GRIN3A: variants seen among roughly 807,000 people sequenced by gnomAD.
GRIN3A encodes the protein glutamate ionotropic receptor NMDA type subunit 3A.
In GRIN3A, 47 loss-of-function variants were observed where a neutral mutation model predicts 92.4. The observed-to-expected ratio is 0.51, with a 90% confidence interval of 0.40 to 0.65. The LOEUF (loss-of-function observed/expected upper bound fraction) is 0.65, where lower values mean the gene tolerates loss of function less well. GRIN3A is among the 30% of genes least tolerant of loss of function. GRIN3A has a pLI of 0.00. For missense variants in GRIN3A, 1,324 were observed against 1,393.1 expected, an observed-to-expected ratio of 0.95 and a Z score of 0.79; for synonymous variants, 527 against 540.6, an observed-to-expected ratio of 0.97 and a Z score of 0.35.
At chr9:101,586,893 C>A (rs777926577) in intron 6 of GRIN3A, among the ~76,000 whole-genome samples, 2 of 152,158 alleles carry the variant, frequency 1.3e-5, no homozygotes, top group Non-Finnish European at 2.9e-5. Flanking sequence ...AAGACATAGT[C>A]CCCTAGTTCC....
At chr9:101,735,194 T>C (rs1830185579) in intron 1 of GRIN3A, among the ~76,000 whole-genome samples, 1 of 151,866 alleles carries the variant, frequency 6.6e-6, no homozygotes, top group Non-Finnish European at 1.5e-5. Flanking sequence ...GAATTTAAAG[T>C]AAAAAGGGAG....
intron 1 of GRIN3A, among the ~76,000 whole-genome samples, chr9:101,699,612 T>G (rs988259399): frequency 6.6e-6 from 1 of 152,112 alleles, no homozygotes; most frequent in Admixed American, 6.5e-5. Context: ...GATGATTTAT[T>G]TTATATCTTT....
chr9:101,578,098 G>T (rs1827848848), intron 7 of GRIN3A, among the ~76,000 whole-genome samples: 1 of 152,170 alleles, frequency 6.6e-6, no homozygotes, highest in African/African-American at 2.4e-5. Flanking sequence ...TTATAAAACG[G>T]TATGTGATAT....
chr9:101,638,941 T>C (rs1828818214), intron 3 of GRIN3A, among the ~76,000 whole-genome samples: 1 of 152,212 alleles, frequency 6.6e-6, no homozygotes, highest in South Asian at 2.1e-4. Context: ...CCCATAACAA[T>C]CTGTTAATAC....
chr9:101,692,369 T>A (rs1452272864), intron 1 of GRIN3A, among the ~76,000 whole-genome samples: 1 of 152,186 alleles, frequency 6.6e-6, no homozygotes, highest in African/African-American at 2.4e-5. Context: ...AGATCCCTCA[T>A]CAGTCTTTGT....
At chr9:101,655,537 T>G (rs1829076434) in intron 3 of GRIN3A, among the ~76,000 whole-genome samples, 1 of 151,922 alleles carries the variant, frequency 6.6e-6, no homozygotes, top group African/African-American at 2.4e-5. Flanking sequence ...TTCTTATCAT[T>G]GTATGCTTAA....
At chr9:101,644,061 G>C (rs1213236202) in intron 3 of GRIN3A, among the ~76,000 whole-genome samples, 1 of 151,440 alleles carries the variant, frequency 6.6e-6, no homozygotes, top group Non-Finnish European at 1.5e-5. Context: ...AACTATATAA[G>C]GTTATAGATA....
chr9:101,694,473 AC>A (rs1204700963), intron 1 of GRIN3A, among the ~76,000 whole-genome samples: 1 of 152,124 alleles, frequency 6.6e-6, no homozygotes, highest in Non-Finnish European at 1.5e-5. Flanking sequence ...CTAATCATGG[AC>A]TTTTTTCCCA....
At chr9:101,686,048 GTCTTAAGCA>G (rs1829529595) in intron 2 of GRIN3A, among the ~76,000 whole-genome samples, 1 of 152,050 alleles carries the variant, frequency 6.6e-6, no homozygotes, top group African/African-American at 2.4e-5. Flanking sequence ...ACTCTATACT[GTCTTAAGCA>G]TCAAGGCCAG....
chr9:101,681,174 T>C (rs534623573), intron 2 of GRIN3A, among the ~76,000 whole-genome samples: 7 of 152,294 alleles, frequency 4.6e-5, no homozygotes, highest in African/African-American at 1.7e-4. Context: ...TCCTATTCAC[T>C]TTCCCCAGAG....
intron 2 of GRIN3A, among the ~76,000 whole-genome samples, chr9:101,676,170 T>C (rs746772274): frequency 6.6e-6 from 1 of 151,976 alleles, no homozygotes. Flanking sequence ...TGCATCACCA[T>C]CCTCAAGTGT....
intron 2 of GRIN3A, among the ~76,000 whole-genome samples, chr9:101,677,369 A>G (rs2118963576): frequency 6.7e-6 from 1 of 150,278 alleles, no homozygotes; most frequent in African/African-American, 2.4e-5. Context: ...ATTTTTTCTG[A>G]ATTTTTTGTT....
intron 1 of GRIN3A, among the ~76,000 whole-genome samples, chr9:101,731,302 C>T (rs576695556): frequency 1.1e-4 from 16 of 147,830 alleles, no homozygotes; most frequent in Non-Finnish European, 2.1e-4. Context: ...GATGGCTTCT[C>T]ACTTCCTACA....
At chr9:101,714,372 T>G (rs1829919282) in intron 1 of GRIN3A, among the ~76,000 whole-genome samples, 1 of 152,162 alleles carries the variant, frequency 6.6e-6, no homozygotes. Flanking sequence ...CATAAAAAGC[T>G]TGGCAAATAT....
chr9:101,695,679 C>G (rs898364361), intron 1 of GRIN3A, among the ~76,000 whole-genome samples: 2 of 152,156 alleles, frequency 1.3e-5, no homozygotes, highest in African/African-American at 4.8e-5. Context: ...TAAATATTAG[C>G]CTTATTATTA....
rs1189894839 is a variant in GRIN3A, at chr9:101,570,518, C to G, written c.*2656G>C. ...TTAACATGAAGACTGCTTCGTTTCA[C>G]CACAAGCAATTATGGTTTTTCTTTA... On this transcript the variant is annotated 3_prime_UTR_variant, in exon 9 of 9. Transcript: ENST00000361820. The G allele has an allele frequency of 6.6e-6, 1 of 152,654 alleles. No individual in the cohort carries two copies. Among genetic ancestry groups the G allele is most frequent in the Non-Finnish European group, 1.5e-5 (1 of 68,046 alleles). 9.5% of individuals were successfully genotyped at this position (152,654 alleles called of 1,614,324 possible). A position where few individuals can be genotyped will look rare whatever the true frequency, so the allele number is the denominator to read the frequency against.
intron 7 of GRIN3A, among the ~76,000 whole-genome samples, chr9:101,578,355 C>T (rs1353602175): frequency 3.3e-5 from 5 of 150,996 alleles, no homozygotes; most frequent in Non-Finnish European, 4.4e-5. Context: ...AGTAACCTAT[C>T]TAGAAAAAAA....
chr9:101,630,037 A>T (rs563829950), intron 3 of GRIN3A, among the ~76,000 whole-genome samples: 1 of 152,356 alleles, frequency 6.6e-6, no homozygotes, highest in South Asian at 2.1e-4. Context: ...CTGTTCTCAT[A>T]GTAGCAAATT....
chr9:101,714,848 GAAGA>G (rs998779525), intron 1 of GRIN3A, among the ~76,000 whole-genome samples: 1 of 152,052 alleles, frequency 6.6e-6, no homozygotes, highest in African/African-American at 2.4e-5. Flanking sequence ...AAATATTTTG[GAAGA>G]AAGAAAACTA....
Sources: allele counts gnomAD v4.1 joint callset (sites outside exome capture counted in the v4.1 genomes callset), GRCh38; gene constraint gnomAD v4.1.1; transcripts MANE v1.5; gene names NCBI Gene and HGNC (gene_info 2026-07-23, HGNC 2026-07-21).